The following SRRD variants were observed in gnomAD, a reference collection of about 807,000 sequenced individuals.
SRRD encodes SRR1-like protein.
SRRD carries 28 observed loss-of-function variants against 30.7 expected under a neutral mutation model. That is an observed-to-expected ratio of 0.91 (90% CI 0.68 to 1.25). The LOEUF is 1.25. Among genes scored for constraint, SRRD ranks in the 50% most tolerant of loss-of-function variants. SRRD has a pLI of 0.00. For missense variants in SRRD, 415 were observed against 417.3 expected, an observed-to-expected ratio of 0.99 and a Z score of 0.05; for synonymous variants, 161 against 159.6, an observed-to-expected ratio of 1.01 and a Z score of -0.07.
chr22:26,487,253 C>G (rs573188059), intron 2 of SRRD, among the ~76,000 whole-genome samples: 2 of 152,256 alleles, frequency 1.3e-5, no homozygotes, highest in South Asian at 4.1e-4. Context: ...AAGTTGGTAT[C>G]TTATTGGAAT....
intron 5 of SRRD, 38 bp from the exon 6 acceptor site, chr22:26,490,987 G>GTTT: frequency 1.4e-6 from 2 of 1,448,728 alleles, no homozygotes; most frequent in Non-Finnish European, 1.9e-6. Flanking sequence ...TAATCATGGT[G>GTTT]TTTTTTTTTT....
At chr22:26,489,755 G>A (rs1294152975) in intron 4 of SRRD, among the ~76,000 whole-genome samples, 2 of 152,126 alleles carry the variant, frequency 1.3e-5, no homozygotes, top group South Asian at 2.1e-4. Context: ...TGTTCTTGCC[G>A]TCATAGACCC....
At chr22:26,491,217 G>C in intron 6 of SRRD, 147 bp downstream of exon 6, 2 of 860,906 alleles carry the variant, frequency 2.3e-6, no homozygotes, top group Non-Finnish European at 3.7e-6. Context: ...GTTCCAGAAA[G>C]CTATGACTCT....
In SRRD at chr22:26,488,178, A is replaced by C. The variant is rs752054628; in HGVS notation, c.400A>C (p.Thr134Pro). The C allele has an allele frequency of 1.2e-6, 2 of 1,614,230 alleles. No homozygotes were observed. Among genetic ancestry groups the C allele is most frequent in the Non-Finnish European group, 1.7e-6 (2 of 1,180,034 alleles). Residue 134 changes from threonine (T) to proline (P), a missense_variant, in exon 3 of 7, where the codon ACA (threonine) becomes CCA (proline). Coordinates refer to ENST00000215917, the MANE Select transcript of SRRD (RefSeq NM_001013694.3). The part of the protein sequence containing the change: ...TDSIPREILV[T>P]GTCHLKCVCY... ...TTCTATCCCAAGAGAGATCTTGGTC[A>C]CAGGAACCTGCCATTTGAAGTGTGT...
intron 2 of SRRD, 123 bp downstream of exon 2, chr22:26,486,186 G>A (rs375416234): frequency 8.6e-6 from 9 of 1,041,462 alleles, no homozygotes; most frequent in South Asian, 6.9e-5. Context: ...GCCCCTTACA[G>A]CTGTATGTCT....
intron 4 of SRRD, 97 bp from the exon 5 acceptor site, chr22:26,489,947 G>A: frequency 2.1e-6 from 3 of 1,399,324 alleles, no homozygotes; most frequent in Non-Finnish European, 9.8e-7. Flanking sequence ...TGATCCTTTA[G>A]TTTGTCTCAT....
rs193036205 is a variant in SRRD, at chr22:26,485,565, A to G, written c.210-458A>G. On this transcript the variant is annotated intron_variant, in intron 1 of 6. Transcript: ENST00000215917. ...CTTAAAACTATTTATAATAACAAAT[A>G]CCATTTGTTGAGTACCTGCTATGTG... 3.6e-3 allele frequency among the ~76,000 whole-genome samples: 544 copies of G among 152,282 alleles called. 5 individuals are homozygous for G. Among genetic ancestry groups the G allele is most frequent in the Middle Eastern group, 0.024 (7 of 294 alleles).
In SRRD at chr22:26,484,042, C is replaced by T. The variant is rs1163765218; in HGVS notation, c.152C>T (p.Pro51Leu). The T allele has an allele frequency of 7.1e-7, 1 of 1,407,754 alleles. No individual in the cohort carries two copies. Among genetic ancestry groups the T allele is most frequent in the Non-Finnish European group, 9.3e-7 (1 of 1,079,850 alleles). 87.2% of individuals were successfully genotyped at this position (1,407,754 alleles called of 1,614,324 possible). A position where few individuals can be genotyped will look rare whatever the true frequency, so the allele number is the denominator to read the frequency against. ...PRGREAAPRG[P>L]EAEFESDSGV... ...GGGAGAGAGGCGGCGCCCCGGGGCC[C>T]CGAGGCGGAGTTCGAGTCTGACAGC... is the stretch of plus-strand genomic sequence containing the variant. Residue 51 changes from proline (P) to leucine (L), a missense_variant, in exon 1 of 7, where the codon CCC becomes CTC. Transcript: ENST00000215917.
chr22:26,492,240 C>G lies in SRRD; in HGVS notation c.*568C>G. 6.2e-7 allele frequency: 1 copy of G among 1,614,212 alleles called. No homozygotes were observed. The highest frequency in any genetic ancestry group is 8.5e-7 in the Non-Finnish European group (1 of 1,180,036). ...ATGGGCACAGAGCTAGCGGCCACGC[C>G]AATGCCCCTCTGAGCCATGTTCTCA... On this transcript the variant is annotated 3_prime_UTR_variant, in exon 7 of 7. Transcript: ENST00000215917.
At chr22:26,489,403 T>G (rs1371392644) in intron 4 of SRRD, among the ~76,000 whole-genome samples, 1 of 152,114 alleles carries the variant, frequency 6.6e-6, no homozygotes, top group East Asian at 1.9e-4. Flanking sequence ...GGGTCTGAGC[T>G]GGGCTTTGAA....
Position 26,491,721 on chromosome 22 carries a change from AGACTAAAGG to A in SRRD, c.*52_*60del. On this transcript the variant is annotated 3_prime_UTR_variant, in exon 7 of 7. Coordinates refer to ENST00000215917, the MANE Select transcript of SRRD (RefSeq NM_001013694.3). ...TGGCTGAGGTAGAAGCTGCCACCAG[AGACTAAAGG>A]GAAGGCTGCTATGGAGGAACTACAG... 6.6e-7 allele frequency: 1 copy of A among 1,523,384 alleles called. No homozygotes were observed. The highest frequency in any genetic ancestry group is 9.0e-7 in the Non-Finnish European group (1 of 1,113,640). The allele number at this position is 1,523,384 out of a possible 1,614,324, so 94.4% of individuals were successfully genotyped here. A position where few individuals can be genotyped will look rare whatever the true frequency, so the allele number is the denominator to read the frequency against.
Position 26,491,682 on chromosome 22 carries a change from G to C in SRRD, c.*10G>C, listed in dbSNP as rs1921204920. The C allele has an allele frequency of 6.2e-7, 1 of 1,605,886 alleles. No homozygotes were observed. The highest frequency in any genetic ancestry group is 8.5e-7 in the Non-Finnish European group (1 of 1,179,274). On this transcript the variant is annotated 3_prime_UTR_variant, in exon 7 of 7. Coordinates refer to ENST00000215917, the MANE Select transcript of SRRD (RefSeq NM_001013694.3). ...TTCTGCTACTGACTGAACTCGTTGT[G>C]AGGTACTCAGTGTTGGCTGAGGTAG...
At position 26,491,669 on chromosome 22, in the gene SRRD, C is replaced by T. The variant is rs764574020; in HGVS notation, c.1017C>T (p.Asp339=). 1.1e-5 allele frequency: 18 copies of T among 1,609,038 alleles called. No homozygotes were observed. The highest frequency in any genetic ancestry group is 6.7e-5 in the Admixed American group (4 of 60,020). Residue 339 remains aspartate, a synonymous_variant, in exon 7 of 7, where the codon GAC becomes GAT. Transcript: ENST00000215917. Reference sequence around the variant, plus strand: ...AGAGAGAAGATCCTTCTGCTACTGACTGAACTCGTTGTGAGGTACTCAGTG... The same window carrying T: ...AGAGAGAAGATCCTTCTGCTACTGATTGAACTCGTTGTGAGGTACTCAGTG... ...RNKREDPSAT[D] is the part of the protein sequence containing the mutation.
Position 26,492,616 on chromosome 22 carries a change from A to G in SRRD, c.*944A>G, listed in dbSNP as rs1238208609. On this transcript the variant is annotated 3_prime_UTR_variant, in exon 7 of 7. Coordinates refer to ENST00000215917, the MANE Select transcript of SRRD (RefSeq NM_001013694.3). ...AATATTCAACATTTTAAAATGAAGTATCTGCAAGGGATTTCTTCCTTCAGA... is the reference window on the plus strand; with the variant it reads ...AATATTCAACATTTTAAAATGAAGTGTCTGCAAGGGATTTCTTCCTTCAGA... The G allele has an allele frequency of 6.1e-6, 3 of 491,600 alleles. No individual in the cohort carries two copies. The highest frequency in any genetic ancestry group is 7.4e-6 in the Non-Finnish European group (2 of 270,236). 30.5% of individuals were successfully genotyped at this position (491,600 alleles called of 1,614,324 possible).
chr22:26,489,783 G>GT (rs1040737348), intron 4 of SRRD, among the ~76,000 whole-genome samples: 5 of 152,150 alleles, frequency 3.3e-5, no homozygotes, highest in African/African-American at 1.2e-4. Flanking sequence ...CCCTCCATCA[G>GT]TGCAGGGCTT....
Position 26,494,614 on chromosome 22 carries a change from C to A in SRRD, c.*2942C>A. On this transcript the variant is annotated 3_prime_UTR_variant, in exon 7 of 7. Transcript: ENST00000215917. ...AAAGCAAATAAAGTGCTTGGAACAG[C>A]TTCTGATACATGGCAAATGTCCAAT... The A allele has an allele frequency of 1.1e-6, 1 of 904,522 alleles. No individual in the cohort carries two copies. The highest frequency in any genetic ancestry group is 1.6e-6 in the Non-Finnish European group (1 of 608,864). 56.0% of individuals were successfully genotyped at this position (904,522 alleles called of 1,614,324 possible).
intron 4 of SRRD, 86 bp from the exon 5 acceptor site, chr22:26,489,958 G>A (rs925418810): frequency 8.5e-5 from 126 of 1,478,740 alleles, no homozygotes; most frequent in Admixed American, 1.8e-5. Flanking sequence ...TTTGTCTCAT[G>A]ATTATCCCCA....
chr22:26,487,862 G>A lies in SRRD; in HGVS notation c.251-167G>A, dbSNP rs183562389. ...GGTGGTGAATGTGACTGTATGTCCA[G>A]GCATGTTTGGGAATGAGGCTGGCAG... is the stretch of plus-strand genomic sequence containing the variant. On this transcript the variant is annotated intron_variant, in intron 2 of 6. Coordinates refer to ENST00000215917, the MANE Select transcript of SRRD (RefSeq NM_001013694.3). The A allele has an allele frequency of 1.1e-4, 78 of 707,756 alleles. No individual in the cohort carries two copies. In the East Asian group the frequency reaches 2.1e-3, roughly 19 times the overall value. 43.8% of individuals were successfully genotyped at this position (707,756 alleles called of 1,614,324 possible).
chr22:26,484,973 T>C (rs970219800), intron 1 of SRRD, among the ~76,000 whole-genome samples: 5 of 152,144 alleles, frequency 3.3e-5, no homozygotes, highest in African/African-American at 1.2e-4. Flanking sequence ...CCCCTAGAAT[T>C]AGGGTCAAGA....
Sources: gnomAD v4.1 joint callset for allele counts (sites outside exome capture counted in the v4.1 genomes callset) on GRCh38, gnomAD v4.1.1 for gene constraint, MANE v1.5 for transcripts, NCBI Gene and HGNC (gene_info 2026-07-23, HGNC 2026-07-21) for gene names.